Variants in SNCAIP observed in about 807,000 individuals in gnomAD.
The protein encoded by SNCAIP is synphilin-1.
SNCAIP carries 43 observed loss-of-function variants against 86.7 expected under a neutral mutation model. That is an observed-to-expected ratio of 0.50 (90% CI 0.39 to 0.64). SNCAIP has a LOEUF of 0.64. Ranked by LOEUF, SNCAIP falls within the 30% of genes least tolerant of loss-of-function variation. SNCAIP has a pLI of 0.00. For synonymous variants in SNCAIP, 417 were observed against 427.2 expected, an observed-to-expected ratio of 0.98 and a Z score of 0.29; for missense variants, 981 against 1,103.1, an observed-to-expected ratio of 0.89 and a Z score of 1.57.
At chr5:122,312,489 G>A (rs930020668) in intron 1 of SNCAIP, 2 of 152,252 alleles carry the variant, frequency 1.3e-5, no homozygotes, top group Non-Finnish European at 2.9e-5. Context: ...GGTCTCTATA[G>A]TAACAGTAAC....
In SNCAIP at chr5:122,425,451, C is replaced by A. The variant is rs1202802772; in HGVS notation, c.1102C>A (p.His368Asn). 6.2e-7 allele frequency: 1 copy of A among 1,613,910 alleles called. No individual in the cohort carries two copies. The highest frequency in any genetic ancestry group is 1.1e-5 in the South Asian group (1 of 91,080). Residue 368 changes from histidine to asparagine, a missense_variant, in exon 5 of 11, where the codon CAC becomes AAC. Physicochemically the swap from His to Asn is moderately conservative, Grantham distance 68 (BLOSUM62 1). Coordinates refer to ENST00000261368, the MANE Select transcript of SNCAIP (RefSeq NM_005460.4). ...ASQGHAECLQ[H>N]LTSLMGEDCL... ...ACAGGGACACGCAGAGTGTCTACAG[C>A]ACCTCACTTCTTTGATGGGAGAAGA...
intron 8 of SNCAIP, among the ~76,000 whole-genome samples, chr5:122,448,860 C>CA (rs76803312): frequency 0.2 from 29,808 of 149,956 alleles, 3,556 homozygotes; most frequent in South Asian, 0.32. Context: ...ACTAAAAATA[C>CA]AAAAAATTAG....
chr5:122,423,184 C>T lies in SNCAIP; in HGVS notation c.447C>T (p.Asp149=), dbSNP rs774263935. 8.1e-5 allele frequency: 130 copies of T among 1,614,130 alleles called. 1 individual carries two copies. In the East Asian group the frequency reaches 2.7e-3, roughly 33 times the overall value. The change falls in exon 4 of 11, where the codon GAC becomes GAT. Residue 149 remains aspartate (D), a synonymous_variant. Coordinates refer to ENST00000261368, the MANE Select transcript of SNCAIP (RefSeq NM_005460.4). The part of the protein sequence containing the change: ...SLGELEHYDL[D]MDEILDVPYI... ...GTGAACTGGAGCACTACGACCTCGA[C>T]ATGGATGAGATTCTGGATGTGCCTT...
At chr5:122,370,013 G>A (rs1242715318) in intron 1 of SNCAIP, 1 of 152,066 alleles carries the variant, frequency 6.6e-6, no homozygotes, top group African/African-American at 2.4e-5. Flanking sequence ...CCTTTTCTGT[G>A]AACTGGAGAT....
At chr5:122,330,761 G>C (rs1755157308) in intron 1 of SNCAIP, among the ~76,000 whole-genome samples, 1 of 152,088 alleles carries the variant, frequency 6.6e-6, no homozygotes, top group South Asian at 2.1e-4. Flanking sequence ...GGAGGGGATA[G>C]TTTCAGGATG....
chr5:122,370,972 T>C (rs1290057446), intron 1 of SNCAIP, among the ~76,000 whole-genome samples: 1 of 152,164 alleles, frequency 6.6e-6, no homozygotes, highest in African/African-American at 2.4e-5. Flanking sequence ...AAGTGGGCTA[T>C]ATGCTGCCTG....
intron 2 of SNCAIP, among the ~76,000 whole-genome samples, chr5:122,392,495 TC>T (rs1163238295): frequency 1.3e-5 from 2 of 152,128 alleles, no homozygotes; most frequent in African/African-American, 4.8e-5. Flanking sequence ...TTATGATCAC[TC>T]CCCTCACAGC....
At chr5:122,358,244 T>C (rs970185481) in intron 1 of SNCAIP, among the ~76,000 whole-genome samples, 28 of 150,692 alleles carry the variant, frequency 1.9e-4, no homozygotes, top group Non-Finnish European at 3.3e-4. Flanking sequence ...CTAGGGTACA[T>C]GTGCACAACG....
At chr5:122,314,261 A>G (rs1751248961) in intron 1 of SNCAIP, among the ~76,000 whole-genome samples, 1 of 152,226 alleles carries the variant, frequency 6.6e-6, no homozygotes, top group Admixed American at 6.5e-5. Flanking sequence ...ATACAAACAA[A>G]TGATCTTTGA....
intron 2 of SNCAIP, chr5:122,401,007 A>G: frequency 1.9e-6 from 3 of 1,550,178 alleles, no homozygotes; most frequent in Non-Finnish European, 2.6e-6. Context: ...TCAAGGGAAC[A>G]GGCTACAAAA....
chr5:122,450,450 A>T, intron 9 of SNCAIP, 83 bp from the exon 10 acceptor site: 1 of 895,648 alleles, frequency 1.1e-6, no homozygotes, highest in Non-Finnish European at 1.9e-6. Flanking sequence ...ATACATTATT[A>T]GTGTCAGTAA....
At chr5:122,438,086 A>G (rs78782282) in intron 6 of SNCAIP, among the ~76,000 whole-genome samples, 106 of 152,346 alleles carry the variant, frequency 7.0e-4, no homozygotes, top group Non-Finnish European at 1.3e-3. Context: ...CAGTATCTTG[A>G]ACTCCTCCAG....
At chr5:122,313,533 G>C (rs928403902) in intron 1 of SNCAIP, among the ~76,000 whole-genome samples, 1 of 152,258 alleles carries the variant, frequency 6.6e-6, no homozygotes, top group Non-Finnish European at 1.5e-5. Flanking sequence ...TTATGGAGCA[G>C]ACATCCCAAT....
chr5:122,462,207 A>G (rs1231474460), intron 10 of SNCAIP, among the ~76,000 whole-genome samples: 2 of 152,152 alleles, frequency 1.3e-5, no homozygotes, highest in African/African-American at 2.4e-5. Context: ...TGCATCTGGT[A>G]GTGCAAATCA....
intron 1 of SNCAIP, among the ~76,000 whole-genome samples, chr5:122,384,096 A>T (rs996102954): frequency 6.6e-6 from 1 of 152,194 alleles, no homozygotes. Context: ...AAACAATACA[A>T]TTCAGGGCTA....
chr5:122,433,693 C>T (rs770785107), intron 6 of SNCAIP, among the ~76,000 whole-genome samples: 3 of 152,160 alleles, frequency 2.0e-5, no homozygotes, highest in Non-Finnish European at 4.4e-5. Context: ...AGTCCCCATC[C>T]ACAGTGTCCT....
intron 1 of SNCAIP, among the ~76,000 whole-genome samples, chr5:122,385,906 G>A (rs1768036032): frequency 6.6e-6 from 1 of 152,168 alleles, no homozygotes; most frequent in Non-Finnish European, 1.5e-5. Context: ...GACTTTGGCA[G>A]AAAAGGAGAA....
chr5:122,423,815 A>G, intron 4 of SNCAIP, 76 bp downstream of exon 4: 5 of 1,282,946 alleles, frequency 3.9e-6, no homozygotes, highest in Non-Finnish European at 4.4e-6. Context: ...CGTTAGTAAC[A>G]GAACGATGCT....
chr5:122,368,677 G>T (rs1763662008), intron 1 of SNCAIP, among the ~76,000 whole-genome samples: 1 of 152,188 alleles, frequency 6.6e-6, no homozygotes. Flanking sequence ...TCCCATCAGA[G>T]TGGCCTGGAG....
Sources: allele counts gnomAD v4.1 joint callset (sites outside exome capture counted in the v4.1 genomes callset), GRCh38; gene constraint gnomAD v4.1.1; transcripts MANE v1.5; gene names NCBI Gene and HGNC (gene_info 2026-07-23, HGNC 2026-07-21).